Variants in TAFA1 observed in about 807,000 individuals in gnomAD.
TAFA1 encodes TAFA chemokine like family member 1, also known as chemokine-like protein TAFA-1.
TAFA1 carries 4 observed loss-of-function variants against 18.5 expected under a neutral mutation model. The ratio of observed to expected loss-of-function variants is 0.22; its 90% CI spans 0.11 to 0.49. The LOEUF (loss-of-function observed/expected upper bound fraction) is 0.49. TAFA1 is among the 20% of genes least tolerant of loss of function. The pLI, the probability that TAFA1 is intolerant of heterozygous loss-of-function variation, is 0.98. For synonymous variants in TAFA1, 56 were observed against 55.2 expected (o/e 1.01, Z -0.06); for missense variants, 147 against 169.0 (o/e 0.87, Z 0.72).
chr3:68,275,888 T>C (rs1368236839), intron 2 of TAFA1, among the ~76,000 whole-genome samples: 1 of 152,120 alleles, frequency 6.6e-6, no homozygotes, highest in Admixed American at 6.6e-5. Flanking sequence ...TAACTGAGCC[T>C]GCTGTTTGCT....
intron 2 of TAFA1, among the ~76,000 whole-genome samples, chr3:68,008,034 G>A (rs1463765715): frequency 6.6e-6 from 1 of 152,248 alleles, no homozygotes; most frequent in Non-Finnish European, 1.5e-5. Flanking sequence ...GGGAGAAGGG[G>A]TGGGGCTGGC....
intron 2 of TAFA1, among the ~76,000 whole-genome samples, chr3:68,136,382 G>C (rs758912090): frequency 6.6e-6 from 1 of 152,186 alleles, no homozygotes; most frequent in African/African-American, 2.4e-5. Context: ...CTGAAGCTCT[G>C]CTGTAAAGTA....
At chr3:68,227,047 A>G (rs551997430) in intron 2 of TAFA1, among the ~76,000 whole-genome samples, 230 of 152,322 alleles carry the variant, frequency 1.5e-3, no homozygotes, top group Non-Finnish European at 2.6e-3. Context: ...ATTATAAGGG[A>G]GCCCAGATGC....
intron 2 of TAFA1, among the ~76,000 whole-genome samples, chr3:68,114,602 C>G (rs1444791990): frequency 6.6e-6 from 1 of 152,174 alleles, no homozygotes; most frequent in African/African-American, 2.4e-5. Context: ...TGAGCAACTT[C>G]GATTTTACAT....
chr3:68,379,824 G>C (rs180827135), intron 2 of TAFA1, among the ~76,000 whole-genome samples: 2 of 149,964 alleles, frequency 1.3e-5, no homozygotes, highest in African/African-American at 4.9e-5. Flanking sequence ...ATGCAGGTTT[G>C]TTACATAGGT....
intron 2 of TAFA1, among the ~76,000 whole-genome samples, chr3:68,224,298 C>T (rs1319913997): frequency 6.6e-6 from 1 of 152,078 alleles, no homozygotes; most frequent in Non-Finnish European, 1.5e-5. Context: ...CTGACCTTTC[C>T]CCTCCACACA....
At chr3:68,502,886 C>T (rs1389279849) in intron 3 of TAFA1, among the ~76,000 whole-genome samples, 1 of 152,170 alleles carries the variant, frequency 6.6e-6, no homozygotes, top group African/African-American at 2.4e-5. Context: ...CACAAATGTT[C>T]ACAGCAGCAC....
At chr3:68,022,580 G>A (rs1049832027) in intron 2 of TAFA1, among the ~76,000 whole-genome samples, 6 of 151,866 alleles carry the variant, frequency 4.0e-5, no homozygotes, top group Non-Finnish European at 7.4e-5. Context: ...CAAGAGTAAG[G>A]GATGGAATTT....
At chr3:68,382,086 G>T (rs1238307122) in intron 2 of TAFA1, among the ~76,000 whole-genome samples, 1 of 152,138 alleles carries the variant, frequency 6.6e-6, no homozygotes, top group Non-Finnish European at 1.5e-5. Flanking sequence ...TACATTTATT[G>T]ATTTGTGTGT....
intron 2 of TAFA1, among the ~76,000 whole-genome samples, chr3:68,103,009 A>G (rs1347654957): frequency 1.3e-5 from 2 of 152,164 alleles, no homozygotes; most frequent in Non-Finnish European, 1.5e-5. Flanking sequence ...CCCTGAGTTT[A>G]TTCTCTTAAG....
intron 2 of TAFA1, among the ~76,000 whole-genome samples, chr3:68,025,657 G>T (rs771602858): frequency 2.0e-5 from 3 of 152,056 alleles, no homozygotes; most frequent in African/African-American, 4.8e-5. Flanking sequence ...GCTCCTTGCT[G>T]GCCCTTCAAA....
At chr3:68,126,344 T>C (rs919771636) in intron 2 of TAFA1, among the ~76,000 whole-genome samples, 8 of 152,134 alleles carry the variant, frequency 5.3e-5, no homozygotes, top group African/African-American at 1.9e-4. Context: ...AATGAGAAGA[T>C]CAGTAGGGTA....
intron 2 of TAFA1, among the ~76,000 whole-genome samples, chr3:68,260,016 A>G (rs1266082197): frequency 6.6e-6 from 1 of 152,150 alleles, no homozygotes; most frequent in Non-Finnish European, 1.5e-5. Flanking sequence ...GTCTTGTGCC[A>G]GTTTCCAAAG....
chr3:68,238,040 C>T (rs887242263), intron 2 of TAFA1, among the ~76,000 whole-genome samples: 9 of 151,580 alleles, frequency 5.9e-5, no homozygotes, highest in Non-Finnish European at 1.3e-4. Flanking sequence ...TAGCTGAAGT[C>T]CTCACCACTA....
intron 3 of TAFA1, among the ~76,000 whole-genome samples, chr3:68,515,113 A>G (rs2072901585): frequency 6.6e-6 from 1 of 152,142 alleles, no homozygotes; most frequent in Admixed American, 6.5e-5. Context: ...ATCAGCTGGG[A>G]TGATCAACTG....
intron 2 of TAFA1, among the ~76,000 whole-genome samples, chr3:68,364,051 G>A (rs1346023914): frequency 1.3e-5 from 2 of 152,178 alleles, no homozygotes. Context: ...CAGTGTGTTT[G>A]AGAGTAATTG....
chr3:68,018,788 T>C (rs1318603580), intron 2 of TAFA1, among the ~76,000 whole-genome samples: 2 of 152,230 alleles, frequency 1.3e-5, no homozygotes, highest in Non-Finnish European at 2.9e-5. Context: ...TGTAAAAGAA[T>C]ATGTTAATGG....
chr3:68,130,375 C>T (rs2065521947), intron 2 of TAFA1, among the ~76,000 whole-genome samples: 2 of 152,172 alleles, frequency 1.3e-5, no homozygotes, highest in African/African-American at 4.8e-5. Flanking sequence ...GTTCTTTCTC[C>T]AAGATACAGC....
At chr3:68,331,230 A>G (rs531286167) in intron 2 of TAFA1, among the ~76,000 whole-genome samples, 14 of 152,336 alleles carry the variant, frequency 9.2e-5, no homozygotes, top group Non-Finnish European at 1.8e-4. Context: ...AAATATCTTG[A>G]ATGAGCAAAT....
Sources: gnomAD v4.1 joint callset for allele counts (sites outside exome capture counted in the v4.1 genomes callset) on GRCh38, gnomAD v4.1.1 for gene constraint, MANE v1.5 for transcripts, NCBI Gene and HGNC (gene_info 2026-07-23, HGNC 2026-07-21) for gene names.